The following PRKAG3 variants were observed in gnomAD, a reference collection of about 807,000 sequenced individuals.
PRKAG3 encodes 5'-AMP-activated protein kinase subunit gamma-3.
A neutral mutation model predicts 56.5 loss-of-function variants in PRKAG3; 39 were observed. The ratio of observed to expected loss-of-function variants is 0.69; its 90% CI spans 0.53 to 0.90. The LOEUF is 0.90. Ranked by LOEUF, PRKAG3 falls within the 40% of genes least tolerant of loss-of-function variation. The pLI, the probability that PRKAG3 is intolerant of heterozygous loss-of-function variation, is 0.00. For missense variants in PRKAG3, 628 were observed against 627.5 expected, an observed-to-expected ratio of 1.00 and a Z score of -0.01; for synonymous variants, 243 against 250.1, an observed-to-expected ratio of 0.97 and a Z score of 0.27.
intron 4 of PRKAG3, among the ~76,000 whole-genome samples, 193 bp downstream of exon 4, chr2:218,829,785 T>A (rs1394078926): frequency 6.6e-6 from 1 of 152,224 alleles, no homozygotes; most frequent in Non-Finnish European, 1.5e-5. Flanking sequence ...AGAGCTGTGA[T>A]GACAATTACG....
Position 218,827,647 on chromosome 2 carries a change from G to T in PRKAG3, c.821-18C>A. The T allele has an allele frequency of 6.2e-7, 1 of 1,613,746 alleles. No homozygotes were observed. The highest frequency in any genetic ancestry group is 8.5e-7 in the Non-Finnish European group (1 of 1,179,796). On this transcript the variant is annotated intron_variant, in intron 7 of 12. Coordinates refer to ENST00000529249, the Ensembl canonical transcript of PRKAG3. This position sits in a 1 kb window ranked among gnomAD's most constrained non-coding sequence, Gnocchi z 5.3. ...GTAGATCTCTGCAGAAAGAGCCAGA[G>T]TCAGGCCAGGGGAGCCGGTCACCTG...
chr2:218,830,039 T>C, exon 4 of PRKAG3: 1 of 1,614,094 alleles, frequency 6.2e-7, no homozygotes, highest in Non-Finnish European at 8.5e-7. Flanking sequence ...GTAGCAGGTG[T>C]GCTCCTGCAT....
exon 6 of PRKAG3, chr2:218,828,017 T>C: frequency 6.4e-7 from 1 of 1,570,676 alleles, no homozygotes. Context: ...GGGGGACCTG[T>C]AGTAGCGATG....
In PRKAG3 at chr2:218,824,521, C is replaced by T; in HGVS notation, c.1206+18G>A. 1 of 1,611,148 alleles carries T rather than the reference C, an allele frequency of 6.2e-7. No individual in the cohort carries two copies. On this transcript the variant is annotated intron_variant, in intron 11 of 12. Coordinates refer to ENST00000529249, the Ensembl canonical transcript of PRKAG3. ...CCTTAGCCTCCCTGCAGCATCCCAC[C>T]TTTCCAGCGACACTTACAATCACAT...
exon 13 of PRKAG3, chr2:218,823,672 G>C: frequency 1.2e-6 from 2 of 1,602,968 alleles, no homozygotes; most frequent in Non-Finnish European, 1.7e-6. Context: ...CCAGCAAATG[G>C]GGGTGGGGGA....
At chr2:218,824,413 G>C (rs1157542149) in intron 11 of PRKAG3, 45 bp from the exon 12 acceptor site, 1 of 1,613,858 alleles carries the variant, frequency 6.2e-7, no homozygotes, top group Admixed American at 1.7e-5. Flanking sequence ...CCCCTTGCCT[G>C]GGCTCCTACC....
Position 218,827,298 on chromosome 2 carries a change from G to A in PRKAG3, c.951C>T (p.Asn317=), listed in dbSNP as rs776382105. 11 of 1,614,064 alleles carry A rather than the reference G, an allele frequency of 6.8e-6. No individual in the cohort carries two copies. Among genetic ancestry groups the A allele is most frequent in the African/African-American group, 6.7e-5 (5 of 74,930 alleles). ...GTTTGTGTGTGAGGATGTGGAGTAC[G>A]TTGCCTGACACCGGGTCAAGAACAG... Residue 317 remains asparagine, a synonymous_variant, in exon 9 of 13, where the codon AAC becomes AAT. Transcript: ENST00000529249. This position sits in a 1 kb window ranked among gnomAD's most constrained non-coding sequence, Gnocchi z 5.3.
downstream of PRKAG3, chr2:218,822,717 C>G: frequency 4.3e-6 from 1 of 230,030 alleles, no homozygotes; most frequent in South Asian, 1.6e-4. Context: ...TGAAATGCAG[C>G]ATTTCAGCAG....
At position 218,827,419 on chromosome 2, in the gene PRKAG3, C is replaced by G; in HGVS notation, c.876-46G>C. The G allele has an allele frequency of 6.2e-7, 1 of 1,613,276 alleles. No homozygotes were observed. The highest frequency in any genetic ancestry group is 8.5e-7 in the Non-Finnish European group (1 of 1,179,402). ...AGCCTCGGGGCAGCCTAGGGAGAGACAACCTCCATCCCAGGCCCCTAAAAA... is the reference window on the plus strand; with the variant it reads ...AGCCTCGGGGCAGCCTAGGGAGAGAGAACCTCCATCCCAGGCCCCTAAAAA... On this transcript the variant is annotated intron_variant, in intron 8 of 12. Transcript: ENST00000529249. This position sits in a 1 kb window ranked among gnomAD's most constrained non-coding sequence, Gnocchi z 5.3.
At chr2:218,822,837 G>A (rs542822980), downstream of PRKAG3, 8 of 959,854 alleles carry the variant, frequency 8.3e-6, no homozygotes, top group Non-Finnish European at 7.4e-6. Context: ...CCCAGAAACC[G>A]AGGAATCCAG....
At chr2:218,830,502 G>T in intron 3 of PRKAG3, 121 bp from the exon 4 acceptor site, 1 of 1,346,082 alleles carries the variant, frequency 7.4e-7, no homozygotes, top group Non-Finnish European at 1.0e-6. Context: ...CCTATTTGCA[G>T]GTGAGGGGCT....
intron 2 of PRKAG3, 32 bp downstream of exon 2, chr2:218,831,304 G>T (rs115298447): frequency 4.5e-6 from 7 of 1,544,728 alleles, no homozygotes; most frequent in African/African-American, 1.4e-5. Flanking sequence ...GGGGGAAGAG[G>T]TTAGGCCCCA....
chr2:218,824,610 AAGAC>A (rs1943905195), intron 10 of PRKAG3, 34 bp from the exon 11 acceptor site: 7 of 1,575,106 alleles, frequency 4.4e-6, no homozygotes, highest in African/African-American at 2.7e-5. Context: ...TGGGGGGAGA[AAGAC>A]AGGGAAGAGG....
intron 10 of PRKAG3, among the ~76,000 whole-genome samples, chr2:218,825,750 G>T (rs954604248): frequency 6.7e-6 from 1 of 149,588 alleles, no homozygotes; most frequent in Non-Finnish European, 1.5e-5. Flanking sequence ...TTTGTTTGGT[G>T]GTATAAAATG....
chr2:218,830,749 C>T (rs864622003), exon 3 of PRKAG3: 1 of 1,612,214 alleles, frequency 6.2e-7, no homozygotes, highest in Non-Finnish European at 8.5e-7. Context: ...GCCTCACCTT[C>T]CCCCTGACCT....
At chr2:218,828,042 A>C (rs1943962842) in exon 6 of PRKAG3, 1 of 1,561,578 alleles carries the variant, frequency 6.4e-7, no homozygotes, top group South Asian at 1.2e-5. Flanking sequence ...ACCAGGATGA[A>C]GTCAGTGATG....
At position 218,824,589 on chromosome 2, in the gene PRKAG3, G is replaced by A; in HGVS notation, c.1169-13C>T. On this transcript the variant is annotated splice_polypyrimidine_tract_variant and intron_variant, in intron 10 of 12. Coordinates refer to ENST00000529249, the Ensembl canonical transcript of PRKAG3. ...CCCACGACCTGACCTGCAGAGGGTG[G>A]TTGTGGGGGGTGGGGGGAGAAAGAC... 1 of 1,608,580 alleles carries A rather than the reference G, an allele frequency of 6.2e-7. No individual in the cohort carries two copies. Among genetic ancestry groups the A allele is most frequent in the Non-Finnish European group, 8.5e-7 (1 of 1,174,954 alleles).
chr2:218,828,480 C>T, intron 5 of PRKAG3, 39 bp downstream of exon 5: 1 of 1,567,940 alleles, frequency 6.4e-7, no homozygotes, highest in Middle Eastern at 1.7e-4. Context: ...CTCCCCCTCA[C>T]CTCCTCCATC....
At chr2:218,823,321 G>T (rs1943881763), downstream of PRKAG3, 1 of 239,690 alleles carries the variant, frequency 4.2e-6, no homozygotes, top group African/African-American at 2.3e-5. Flanking sequence ...TCCAACAAAT[G>T]TTGATATAGC....
Sources: allele counts gnomAD v4.1 joint callset (sites outside exome capture counted in the v4.1 genomes callset), GRCh38; gene constraint gnomAD v4.1.1; non-coding constraint Gnocchi (gnomAD v3.1); transcripts MANE v1.5; gene names NCBI Gene and HGNC (gene_info 2026-07-23, HGNC 2026-07-21).